The following TLE6 variants were observed in gnomAD, a reference collection of about 807,000 sequenced individuals.
The protein encoded by TLE6 is TLE family member 6, subcortical maternal complex member.
Under a neutral mutation model 77.1 loss-of-function variants are expected in TLE6, and 72 were observed. The ratio of observed to expected loss-of-function variants is 0.93; its 90% CI spans 0.77 to 1.14. TLE6 has a LOEUF of 1.14. TLE6 is among the 50% of genes most tolerant of loss of function. TLE6 has a pLI of 0.00. For synonymous variants in TLE6, 366 were observed against 287.3 expected (o/e 1.27, Z -2.77); for missense variants, 843 against 747.6 (o/e 1.13, Z -1.49).
In TLE6 at chr19:2,987,004, A is replaced by G; in HGVS notation, c.307A>G (p.Ser103Gly). The change falls in exon 7 of 17, where the codon AGC (serine) becomes GGC (glycine). Residue 103 changes from serine to glycine, a missense_variant. Physicochemically the swap from Ser to Gly is moderately conservative, Grantham distance 56 (BLOSUM62 0). Coordinates refer to ENST00000246112, the MANE Select transcript of TLE6 (RefSeq NM_001143986.2). ...SEEVSPAEPASPGTPQQVKDK... is the reference protein window; with the variant it reads ...SEEVSPAEPAGPGTPQQVKDK... ...CCAGGTCTCACCTGCTGAACCAGCC[A>G]GCCCTGGGACGCCCCAGCAGGTGAA... 1 of 1,612,810 alleles carries G rather than the reference A, an allele frequency of 6.2e-7. No homozygotes were observed. Among genetic ancestry groups the G allele is most frequent in the Non-Finnish European group, 8.5e-7 (1 of 1,179,032 alleles).
intron 5 of TLE6, among the ~76,000 whole-genome samples, chr19:2,985,504 GT>G (rs1386528862): frequency 1.3e-5 from 1 of 74,212 alleles, no homozygotes; most frequent in African/African-American, 7.8e-5. Context: ...CGCCTCCTGG[GT>G]TCAAGCCATT....
intron 5 of TLE6, among the ~76,000 whole-genome samples, chr19:2,986,397 C>G (rs931132754): frequency 3.3e-5 from 5 of 151,216 alleles, no homozygotes; most frequent in African/African-American, 9.7e-5. Flanking sequence ...GCCTGGGTGT[C>G]AGAGTGAGAT....
intron 11 of TLE6, 128 bp downstream of exon 11, chr19:2,988,256 C>T (rs1329115545): frequency 2.8e-6 from 3 of 1,055,244 alleles, no homozygotes; most frequent in Non-Finnish European, 4.1e-6. Context: ...TTTCCCATCA[C>T]TACTCTGCCA....
chr19:2,990,553 G>A (rs1456343013), intron 13 of TLE6, among the ~76,000 whole-genome samples: 2 of 150,018 alleles, frequency 1.3e-5, no homozygotes, highest in African/African-American at 4.9e-5. Flanking sequence ...GCGGTGAGCC[G>A]AGATCTGTGC....
rs938507257 is a variant in TLE6, at chr19:2,995,120, G to T, written c.*116G>T. ...GGAAGGCTCTTCTGTGGCATCGCAC[G>T]ATCTAGTCTGTGGTGTAGACTGGTC... is the stretch of plus-strand genomic sequence containing the variant. On this transcript the variant is annotated 3_prime_UTR_variant, in exon 17 of 17. Coordinates refer to ENST00000246112, the MANE Select transcript of TLE6 (RefSeq NM_001143986.2). The T allele has an allele frequency of 1.9e-5, 13 of 668,230 alleles. No individual in the cohort carries two copies. The highest frequency in any genetic ancestry group is 2.6e-6 in the Non-Finnish European group (1 of 385,434). 41.4% of individuals were successfully genotyped at this position (668,230 alleles called of 1,614,324 possible). A position where few individuals can be genotyped will look rare whatever the true frequency, so the allele number is the denominator to read the frequency against.
intron 8 of TLE6, 130 bp from the exon 9 acceptor site, chr19:2,987,594 C>A: frequency 8.4e-7 from 1 of 1,188,048 alleles, no homozygotes; most frequent in Non-Finnish European, 1.2e-6. Context: ...TCTCTCTCTG[C>A]AACTCTGCCT....
chr19:2,980,144 T>C lies in TLE6; in HGVS notation c.96T>C (p.Asn32=). 5 of 1,549,866 alleles carry C rather than the reference T, an allele frequency of 3.2e-6. No individual in the cohort carries two copies. The highest frequency in any genetic ancestry group is 4.4e-6 in the Non-Finnish European group (5 of 1,145,848). ...ISNSESSPTL[N]YQGILNRLKQ... ...ACTCTGAGAGCTCTCCGACGCTGAA[T>C]TATCAGGGCATTCTAAATCGGCTCA... is the stretch of plus-strand genomic sequence containing the variant. The change falls in exon 3 of 17, where the codon AAT becomes AAC. Residue 32 remains asparagine (N), a synonymous_variant. Coordinates refer to ENST00000246112, the MANE Select transcript of TLE6 (RefSeq NM_001143986.2).
chr19:2,982,535 C>CA (rs1200316710), intron 5 of TLE6, among the ~76,000 whole-genome samples: 1,882 of 41,254 alleles, frequency 0.046, 72 homozygotes, highest in South Asian at 0.051. Flanking sequence ...GACTCTGTCT[C>CA]AAAAAAAAAA....
chr19:2,989,504 C>T (rs755795422), intron 12 of TLE6, 31 bp from the exon 13 acceptor site: 59 of 1,594,534 alleles, frequency 3.7e-5, no homozygotes, highest in Admixed American at 6.9e-5. Flanking sequence ...CCACGGGGGG[C>T]GACAGCTCAC....
chr19:2,981,489 G>C (rs10407929), intron 3 of TLE6, 49 bp from the exon 4 acceptor site: 711,923 of 1,544,806 alleles, frequency 0.46, 167,807 homozygotes, highest in Non-Finnish European at 0.48. Context: ...ACTCTGGGGA[G>C]GGAGTCCTGA....
At chr19:2,993,617 G>T (rs1483363005) in intron 15 of TLE6, 35 bp downstream of exon 15, 1 of 1,527,136 alleles carries the variant, frequency 6.5e-7, no homozygotes, top group South Asian at 1.3e-5. Flanking sequence ...GGACTCCCCT[G>T]CAGCCCCCAG....
At position 2,987,722 on chromosome 19, in the gene TLE6, A is replaced by G; in HGVS notation, c.559-2A>G. The G allele has an allele frequency of 6.2e-7, 1 of 1,614,070 alleles. No individual in the cohort carries two copies. Reference sequence around the variant, plus strand: ...GCCTGATGAGACTTTTCCATTTTCCAGGGGCAGGAAAGCAAGGCACCAGGA... The same window carrying G: ...GCCTGATGAGACTTTTCCATTTTCCGGGGGCAGGAAAGCAAGGCACCAGGA... On this transcript the variant is annotated splice_acceptor_variant, in intron 8 of 16. Coordinates refer to ENST00000246112, the MANE Select transcript of TLE6 (RefSeq NM_001143986.2). LOFTEE classifies it high-confidence loss of function.
chr19:2,983,627 G>GAAGGGAGGGCAGGGAC (rs142723711), intron 5 of TLE6, among the ~76,000 whole-genome samples: 6 of 148,946 alleles, frequency 4.0e-5, no homozygotes, highest in African/African-American at 1.3e-4. Flanking sequence ...AGAGGAGGAG[G>GAAGGGAGGGCAGGGAC]GGGGGAGGGC....
chr19:2,991,778 G>T, intron 13 of TLE6, 65 bp from the exon 14 acceptor site: 2 of 1,522,256 alleles, frequency 1.3e-6, no homozygotes. Flanking sequence ...GTAGTGACTG[G>T]TGTTTCCGGG....
intron 2 of TLE6, among the ~76,000 whole-genome samples, 190 bp downstream of exon 2, chr19:2,978,474 A>G (rs2088725595): frequency 6.6e-6 from 1 of 152,104 alleles, no homozygotes; most frequent in South Asian, 2.1e-4. Flanking sequence ...TGTAGGCTGG[A>G]CACTGTGGCT....
intron 5 of TLE6, among the ~76,000 whole-genome samples, chr19:2,984,642 G>C (rs369053228): frequency 1.3e-5 from 2 of 151,744 alleles, no homozygotes; most frequent in Admixed American, 1.3e-4. Flanking sequence ...TAACTTTTAT[G>C]TTTTTAGTAG....
At position 2,993,426 on chromosome 19, in the gene TLE6, AC is replaced by A. The variant is rs752337304; in HGVS notation, c.1387-4del. ...GGTTCCTCCCTCCCCACTGCCCATT[AC>A]CTAGATAATGAGCCTGTCCCACAGC... On this transcript the variant is annotated splice_polypyrimidine_tract_variant and splice_region_variant and intron_variant, in intron 14 of 16. Coordinates refer to ENST00000246112, the MANE Select transcript of TLE6 (RefSeq NM_001143986.2). The A allele has an allele frequency of 4.4e-6, 7 of 1,599,206 alleles. No homozygotes were observed. Among genetic ancestry groups the A allele is most frequent in the Non-Finnish European group, 6.0e-6 (7 of 1,169,032 alleles).
intron 11 of TLE6, 23 bp downstream of exon 11, chr19:2,988,151 T>C: frequency 6.4e-7 from 1 of 1,551,078 alleles, no homozygotes; most frequent in East Asian, 2.4e-5. Flanking sequence ...ACTGTTTGCT[T>C]TTGGGCGGGG....
chr19:2,989,724 T>G lies in TLE6; in HGVS notation c.1183T>G (p.Phe395Val). The change falls in exon 13 of 17, where the codon TTC becomes GTC. Residue 395 changes from phenylalanine (F) to valine (V), a missense_variant. Coordinates refer to ENST00000246112, the MANE Select transcript of TLE6 (RefSeq NM_001143986.2). Reference protein sequence around the residue: ...LDANLDANLAFASFTSGVVRI... With the variant: ...LDANLDANLAVASFTSGVVRI... ...TGCCAACCTGGATGCCAACCTGGCC[T>G]TCGCCAGCTTCACCAGTGGTGTGGT... 3 of 1,614,210 alleles carry G rather than the reference T, an allele frequency of 1.9e-6. No homozygotes were observed. The South Asian group carries it at 3.3e-5, about 18-fold the overall frequency.
Sources: gnomAD v4.1 joint callset for allele counts (sites outside exome capture counted in the v4.1 genomes callset) on GRCh38, gnomAD v4.1.1 for gene constraint, MANE v1.5 for transcripts, NCBI Gene and HGNC (gene_info 2026-07-23, HGNC 2026-07-21) for gene names.